DGKB: variants seen among roughly 807,000 people sequenced by gnomAD.
DGKB encodes the protein 90 kDa diacylglycerol kinase.
Under a neutral mutation model 114.3 loss-of-function variants are expected in DGKB, and 67 were observed. The ratio of observed to expected loss-of-function variants is 0.59; its 90% CI spans 0.48 to 0.72. The LOEUF is 0.72. DGKB is among the 30% of genes least tolerant of loss of function. The probability of loss-of-function intolerance (pLI) is 0.00; values close to 1 mark genes in which losing one functional copy is unlikely to be tolerated. For synonymous variants in DGKB, 398 were observed against 323.1 expected, an observed-to-expected ratio of 1.23 and a Z score of -2.49; for missense variants, 907 against 975.2, an observed-to-expected ratio of 0.93 and a Z score of 0.93.
intron 20 of DGKB, among the ~76,000 whole-genome samples, chr7:14,553,037 T>G (rs6956840): frequency 0.59 from 89,297 of 152,134 alleles, 26,603 homozygotes; most frequent in East Asian, 0.85. Flanking sequence ...AAATCAAAGA[T>G]AAAGTCAAAT....
intron 17 of DGKB, among the ~76,000 whole-genome samples, chr7:14,606,549 G>A (rs983165005): frequency 2.0e-5 from 3 of 151,562 alleles, no homozygotes; most frequent in Non-Finnish European, 4.4e-5. Flanking sequence ...TTGGTTTCTG[G>A]TTCCTGAGAA....
At chr7:14,658,686 T>C (rs1354579756) in intron 13 of DGKB, among the ~76,000 whole-genome samples, 1 of 151,868 alleles carries the variant, frequency 6.6e-6, no homozygotes, top group Non-Finnish European at 1.5e-5. Context: ...CCCATAAACA[T>C]GTACAAATAT....
intron 25 of DGKB, among the ~76,000 whole-genome samples, chr7:14,165,883 C>T (rs971013377): frequency 2.6e-5 from 4 of 152,196 alleles, no homozygotes; most frequent in Non-Finnish European, 5.9e-5. Context: ...GTCTGTTTTA[C>T]ACCTGTGCTC....
intron 2 of DGKB, among the ~76,000 whole-genome samples, chr7:14,830,343 T>G (rs908324385): frequency 6.7e-6 from 1 of 150,076 alleles, no homozygotes; most frequent in African/African-American, 2.5e-5. Flanking sequence ...AAGGCAGAGC[T>G]TTTAAGAGCC....
chr7:14,359,364 C>G (rs539735149), intron 21 of DGKB, among the ~76,000 whole-genome samples: 13 of 152,110 alleles, frequency 8.5e-5, no homozygotes, highest in Non-Finnish European at 1.5e-4. Flanking sequence ...CCATAAAAAC[C>G]CTAGAAGAAA....
chr7:14,902,388 G>T (rs1366028317), intron 1 of DGKB, among the ~76,000 whole-genome samples: 4 of 152,148 alleles, frequency 2.6e-5, no homozygotes, highest in Non-Finnish European at 4.4e-5. Flanking sequence ...TAATACACAA[G>T]CGGCATCCGC....
chr7:14,763,570 C>T (rs897795367), intron 2 of DGKB, among the ~76,000 whole-genome samples: 1 of 152,026 alleles, frequency 6.6e-6, no homozygotes, highest in Non-Finnish European at 1.5e-5. Flanking sequence ...ATTCTCGTCA[C>T]TTTGGAAAAA....
intron 4 of DGKB, among the ~76,000 whole-genome samples, chr7:14,744,016 C>T (rs1309035659): frequency 6.6e-6 from 1 of 152,012 alleles, no homozygotes; most frequent in Non-Finnish European, 1.5e-5. Flanking sequence ...ACTGAATGGA[C>T]TGAACTAATA....
At chr7:14,825,824 C>T (rs917921926) in intron 2 of DGKB, among the ~76,000 whole-genome samples, 22 of 152,154 alleles carry the variant, frequency 1.4e-4, no homozygotes, top group East Asian at 1.9e-4. Flanking sequence ...AATTAACTCT[C>T]TATGCAAAAC....
chr7:14,631,293 G>T (rs575409266), intron 13 of DGKB, among the ~76,000 whole-genome samples: 3 of 144,992 alleles, frequency 2.1e-5, no homozygotes, highest in African/African-American at 7.6e-5. Context: ...GAAAAAAATA[G>T]CTGAATCTGA....
intron 21 of DGKB, among the ~76,000 whole-genome samples, chr7:14,475,028 C>T (rs1781963765): frequency 6.6e-6 from 1 of 152,042 alleles, no homozygotes; most frequent in Non-Finnish European, 1.5e-5. Flanking sequence ...TTACCTTTCC[C>T]TGTTCTTTCA....
chr7:14,684,552 T>G (rs73680181), intron 10 of DGKB, among the ~76,000 whole-genome samples: 1 of 152,186 alleles, frequency 6.6e-6, no homozygotes, highest in Non-Finnish European at 1.5e-5. Flanking sequence ...TAGGTGATTT[T>G]ATAAACTAAC....
chr7:14,701,936 A>G (rs1825269814), intron 6 of DGKB, among the ~76,000 whole-genome samples: 1 of 152,200 alleles, frequency 6.6e-6, no homozygotes. Context: ...CATAAAGTCT[A>G]TCAAATTTTG....
At chr7:14,827,568 G>T (rs1845869234) in intron 2 of DGKB, among the ~76,000 whole-genome samples, 1 of 152,100 alleles carries the variant, frequency 6.6e-6, no homozygotes. Flanking sequence ...CCCATATTAT[G>T]TATGTTTATC....
intron 23 of DGKB, among the ~76,000 whole-genome samples, chr7:14,199,633 T>G (rs1201998296): frequency 6.6e-6 from 1 of 152,010 alleles, no homozygotes; most frequent in Non-Finnish European, 1.5e-5. Context: ...CATAAGGCAT[T>G]GTAGAGCAAA....
intron 1 of DGKB, among the ~76,000 whole-genome samples, chr7:14,970,810 A>G (rs1303719797): frequency 2.6e-5 from 4 of 152,054 alleles, no homozygotes; most frequent in East Asian, 3.9e-4. Context: ...CTCTCTTTCA[A>G]ATGTTAACCC....
chr7:14,685,231 G>A lies in DGKB; in HGVS notation c.829+14C>T, dbSNP rs1350571952. 14 of 1,572,674 alleles carry A rather than the reference G, an allele frequency of 8.9e-6. No homozygotes were observed. The South Asian group carries it at 1.1e-4, about 12-fold the overall frequency. On this transcript the variant is annotated intron_variant, in intron 10 of 25. Coordinates refer to ENST00000402815, the MANE Select transcript of DGKB (RefSeq NM_001350709.2). The stretch of plus-strand genomic sequence containing the variant: ...CTTGAGGAGATGATGTCCAGGCAGA[G>A]CAAATGTACTCACAGGAACAGCAGA...
rs375833372 is a variant in DGKB at position 14,161,422 on chromosome 7, G to A, written c.2305-12184C>T. 1.8e-4 allele frequency among the ~76,000 whole-genome samples: 27 copies of A among 152,114 alleles called. No homozygotes were observed. In the East Asian group the frequency reaches 2.9e-3, roughly 16 times the overall value. ...AGACTTGGAACCAACACACATGCCC[G>A]TCAATGATAGACTGGATAAAGAAAA... On this transcript the variant is annotated intron_variant, in intron 25 of 25. Transcript: ENST00000402815.
In DGKB at chr7:14,247,395, G is replaced by C. The variant is rs189698936; in HGVS notation, c.2123-69244C>G. Reference sequence around the variant, plus strand: ...CATTTAGATTGCTGGATCATAGGCAGTTCTGTTTTTAATTTTGTGAGAAAC... The same window carrying C: ...CATTTAGATTGCTGGATCATAGGCACTTCTGTTTTTAATTTTGTGAGAAAC... On this transcript the variant is annotated intron_variant, in intron 23 of 25. Transcript: ENST00000402815. 3.1e-3 allele frequency among the ~76,000 whole-genome samples: 475 copies of C among 152,198 alleles called. 3 individuals are homozygous for C. Among genetic ancestry groups the C allele is most frequent in the African/African-American group, 9.7e-3 (402 of 41,550 alleles).
Sources: gnomAD v4.1 joint callset for allele counts (sites outside exome capture counted in the v4.1 genomes callset) on GRCh38, gnomAD v4.1.1 for gene constraint, MANE v1.5 for transcripts, NCBI Gene and HGNC (gene_info 2026-07-23, HGNC 2026-07-21) for gene names.